PIGB: variants seen among roughly 807,000 people sequenced by gnomAD.
The protein encoded by PIGB is GPI alpha-1,2-mannosyltransferase 3.
Under a neutral mutation model 68.4 loss-of-function variants are expected in PIGB, and 58 were observed. The observed-to-expected ratio is 0.85, with a 90% CI of 0.69 to 1.06. The LOEUF is 1.06. Ranked by LOEUF, PIGB falls within the 50% of genes least tolerant of loss-of-function variation. The pLI, the probability that PIGB is intolerant of heterozygous loss-of-function variation, is 0.00. For missense variants in PIGB, 634 were observed against 655.8 expected (o/e 0.97, Z 0.36); for synonymous variants, 219 against 220.5 (o/e 0.99, Z 0.06).
At chr15:55,334,955 G>A (rs926403374) in intron 6 of PIGB, among the ~76,000 whole-genome samples, 2 of 152,202 alleles carry the variant, frequency 1.3e-5, no homozygotes, top group African/African-American at 4.8e-5. Context: ...CTGACCTCAG[G>A]TGATCCACCC....
chr15:55,333,904 A>C lies in PIGB; in HGVS notation c.691A>C (p.Ile231Leu). 1 of 1,608,052 alleles carries C rather than the reference A, an allele frequency of 6.2e-7. No homozygotes were observed. Among genetic ancestry groups the C allele is most frequent in the Non-Finnish European group, 8.5e-7 (1 of 1,177,462 alleles). ...ATCCCTGGTGGCACTTGCCTTCATA[A>C]TTCGTCCCACAGCTGTCATTCTGTG... ...YSSLVALAFI[I>L]RPTAVILWTP... The change falls in exon 6 of 12, where the codon ATT becomes CTT. Residue 231 changes from isoleucine to leucine, a missense_variant. By Grantham distance (5) the Ile-to-Leu change is conservative. Transcript: ENST00000164305.
rs74015567 is a variant in PIGB, at chr15:55,330,008, A to G, written c.653+154A>G. On this transcript the variant is annotated intron_variant, in intron 5 of 11. Coordinates refer to ENST00000164305, the MANE Select transcript of PIGB (RefSeq NM_004855.5). ...GATATATTATAGCAGAAAACAGATA[A>G]TACTCAAACAGGATAATTAAGGAGA... Among the ~76,000 whole-genome samples the G allele has an allele frequency of 3.8e-3, 577 of 152,328 alleles. 5 individuals are homozygous for G. The highest frequency in any genetic ancestry group is 0.013 in the African/African-American group (553 of 41,576).
Position 55,354,783 on chromosome 15 carries a change from CTT to C in PIGB, c.1338-12_1338-11del, listed in dbSNP as rs781156205. 4.4e-6 allele frequency: 7 copies of C among 1,576,400 alleles called. No homozygotes were observed. The East Asian group carries it at 1.6e-4, about 36-fold the overall frequency. Reference sequence around the variant, plus strand: ...GTTTTACTTGTATTTATTATGGTAACTTTTCTTTTCATAGCCATGTTCACTGC... The same window carrying C: ...GTTTTACTTGTATTTATTATGGTAACTTCTTTTCATAGCCATGTTCACTGC... On this transcript the variant is annotated splice_polypyrimidine_tract_variant and intron_variant, in intron 10 of 11. Transcript: ENST00000164305.
At chr15:55,333,165 A>T (rs1297236506) in intron 5 of PIGB, among the ~76,000 whole-genome samples, 1 of 152,182 alleles carries the variant, frequency 6.6e-6, no homozygotes, top group African/African-American at 2.4e-5. Flanking sequence ...CAAGACTGGC[A>T]TTAAGACATA....
intron 9 of PIGB, among the ~76,000 whole-genome samples, chr15:55,345,420 G>A (rs1028524391): frequency 1.3e-5 from 2 of 151,930 alleles, no homozygotes; most frequent in Non-Finnish European, 2.9e-5. Context: ...GAATTCTATC[G>A]AAGATGGAAA....
At chr15:55,349,406 T>C (rs1038249447) in intron 9 of PIGB, 2 of 152,214 alleles carry the variant, frequency 1.3e-5, no homozygotes, top group African/African-American at 4.8e-5. Flanking sequence ...CTTGAACTCC[T>C]GGCCTCAAGC....
intron 9 of PIGB, 124 bp from the exon 10 acceptor site, chr15:55,350,575 T>G (rs1258875695): frequency 1.4e-6 from 1 of 692,226 alleles, no homozygotes; most frequent in African/African-American, 1.8e-5. Context: ...TTATTGCTTA[T>G]TTCTTATTTG....
At chr15:55,338,865 G>A (rs1215622865) in intron 6 of PIGB, among the ~76,000 whole-genome samples, 1 of 152,106 alleles carries the variant, frequency 6.6e-6, no homozygotes, top group Admixed American at 6.6e-5. Flanking sequence ...ACCTTCAGAT[G>A]AAACTGTAGC....
intron 1 of PIGB, 143 bp downstream of exon 1, chr15:55,319,556 T>G: frequency 1.6e-6 from 1 of 613,812 alleles, no homozygotes. Context: ...GAAACACAGA[T>G]TTTAATATAA....
intron 3 of PIGB, among the ~76,000 whole-genome samples, chr15:55,325,922 C>T (rs1490686017): frequency 4.0e-5 from 6 of 151,508 alleles, no homozygotes; most frequent in African/African-American, 1.5e-4. Flanking sequence ...TCTCGCTGGG[C>T]ACGGTTGCTC....
intron 10 of PIGB, chr15:55,354,593 G>A: frequency 4.0e-6 from 2 of 497,898 alleles, no homozygotes; most frequent in African/African-American, 2.0e-5. Flanking sequence ...AGGTTATACT[G>A]CTGCTGCTGC....
chr15:55,340,584 CTATT>C, intron 7 of PIGB, 24 bp from the exon 8 acceptor site: 1 of 1,499,846 alleles, frequency 6.7e-7, no homozygotes, highest in Non-Finnish European at 9.2e-7. Context: ...TAACACATTT[CTATT>C]TATTTTTCCT....
In PIGB at chr15:55,354,938, C is replaced by T. The variant is rs2056040076; in HGVS notation, c.1478C>T (p.Ser493Leu). ...WLHREFHDDA[S>L]LPTHLITFSI... is the part of the protein sequence containing the mutation. ...CATAGAGAGTTTCATGATGATGCAT[C>T]ATTGCCTACTCACTTGATCACCTTC... The change falls in exon 11 of 12, where the codon TCA becomes TTA. Residue 493 changes from serine (S) to leucine (L), a missense_variant. Coordinates refer to ENST00000164305, the MANE Select transcript of PIGB (RefSeq NM_004855.5). 9 of 1,613,056 alleles carry T rather than the reference C, an allele frequency of 5.6e-6. No homozygotes were observed. The highest frequency in any genetic ancestry group is 7.6e-6 in the Non-Finnish European group (9 of 1,179,446).
At chr15:55,326,003 C>T (rs1387041573) in intron 3 of PIGB, among the ~76,000 whole-genome samples, 1 of 151,848 alleles carries the variant, frequency 6.6e-6, no homozygotes, top group African/African-American at 2.4e-5. Context: ...TCGAGACCAG[C>T]CTGGGCAACA....
chr15:55,344,305 A>C (rs2055740845), intron 9 of PIGB, among the ~76,000 whole-genome samples: 2 of 152,254 alleles, frequency 1.3e-5, no homozygotes, highest in Non-Finnish European at 2.9e-5. Context: ...CTGTAGGCCA[A>C]GTCTTCTCAG....
At chr15:55,329,125 T>C (rs146329888) in intron 4 of PIGB, among the ~76,000 whole-genome samples, 1 of 152,368 alleles carries the variant, frequency 6.6e-6, no homozygotes, top group Non-Finnish European at 1.5e-5. Flanking sequence ...ATTTGTTTTG[T>C]AGACTTAATG....
At chr15:55,334,620 G>A (rs769827896) in intron 6 of PIGB, among the ~76,000 whole-genome samples, 18 of 152,248 alleles carry the variant, frequency 1.2e-4, no homozygotes, top group Non-Finnish European at 2.1e-4. Flanking sequence ...ATCATGCACC[G>A]CATAATGACA....
In PIGB at chr15:55,327,531, AT is replaced by A; in HGVS notation, c.421del (p.Trp141GlyfsTer13). ...LLGKDSVQLL[I>X]WIPRLAQALL... ...CTGTTCTTCTTTTTAACTGATGAAG[AT>A]TTGGATTCCTAGACTTGCCCAAGCA... On this transcript the variant is annotated frameshift_variant and splice_region_variant, in exon 4 of 12. Transcript: ENST00000164305. LOFTEE classifies it high-confidence loss of function. 6.3e-7 allele frequency: 1 copy of A among 1,593,386 alleles called. No homozygotes were observed.
rs560980266 is a variant in PIGB, at chr15:55,355,435, T to C, written c.*3T>C. On this transcript the variant is annotated 3_prime_UTR_variant, in exon 12 of 12. Coordinates refer to ENST00000164305, the MANE Select transcript of PIGB (RefSeq NM_004855.5). ...TCAACATGAAGATGAAATTCTGAAC[T>C]TTCCTAGATAAATTAACATTGCTGG... 17 of 1,600,594 alleles carry C rather than the reference T, an allele frequency of 1.1e-5. 1 individual carries two copies. The South Asian group carries it at 1.5e-4, about 14-fold the overall frequency.
Sources: allele counts gnomAD v4.1 joint callset (sites outside exome capture counted in the v4.1 genomes callset), GRCh38; gene constraint gnomAD v4.1.1; transcripts MANE v1.5; gene names NCBI Gene and HGNC (gene_info 2026-07-23, HGNC 2026-07-21).